The following DPYD variants were observed in gnomAD, a reference collection of about 807,000 sequenced individuals.
DPYD encodes dihydropyrimidine dehydrogenase [NADP(+)].
In DPYD, 109 loss-of-function variants were observed where a neutral mutation model predicts 116.2. The observed-to-expected ratio is 0.94, with a 90% CI of 0.80 to 1.10. The LOEUF (loss-of-function observed/expected upper bound fraction) is 1.10, where lower values mean the gene tolerates loss of function less well. DPYD is among the 50% of genes least tolerant of loss of function. The pLI, the probability that DPYD is intolerant of heterozygous loss-of-function variation, is 0.00. For synonymous variants in DPYD, 440 were observed against 432.0 expected (o/e 1.02, Z -0.23); for missense variants, 1,302 against 1,254.5 (o/e 1.04, Z -0.57).
chr1:97,125,631 T>C (rs1355569429), intron 20 of DPYD, among the ~76,000 whole-genome samples: 1 of 152,052 alleles, frequency 6.6e-6, no homozygotes, highest in East Asian at 1.9e-4. Flanking sequence ...TCCAAAGTGA[T>C]GGTAGTAGGA....
intron 15 of DPYD, among the ~76,000 whole-genome samples, chr1:97,374,254 A>C (rs1016665268): frequency 2.0e-5 from 3 of 152,176 alleles, no homozygotes; most frequent in Non-Finnish European, 2.9e-5. Flanking sequence ...GTTTTGTCTT[A>C]ATTACTTAAT....
intron 8 of DPYD, among the ~76,000 whole-genome samples, chr1:97,624,884 T>C (rs1485466753): frequency 1.3e-5 from 2 of 152,054 alleles, no homozygotes; most frequent in African/African-American, 4.8e-5. Flanking sequence ...CTGCATGTTC[T>C]CACTTGGATG....
intron 12 of DPYD, among the ~76,000 whole-genome samples, chr1:97,516,996 A>G (rs1648280386): frequency 1.3e-5 from 2 of 152,134 alleles, no homozygotes; most frequent in South Asian, 4.1e-4. Flanking sequence ...TTATTTGAGC[A>G]GAACTTTAAT....
Position 97,078,767 on chromosome 1 carries a change from G to T in DPYD, c.*209C>A, listed in dbSNP as rs1648954712. The stretch of plus-strand genomic sequence containing the variant: ...TTATTTAACTACTATCCTCAGAAAA[G>T]AATTATTCTATTTTATGACCACTAA... On this transcript the variant is annotated 3_prime_UTR_variant, in exon 23 of 23. Coordinates refer to ENST00000370192, the MANE Select transcript of DPYD (RefSeq NM_000110.4). 6.9e-6 allele frequency: 4 copies of T among 577,908 alleles called. No homozygotes were observed. Among genetic ancestry groups the T allele is most frequent in the Middle Eastern group, 4.8e-4 (1 of 2,092 alleles). 35.8% of individuals were successfully genotyped at this position (577,908 alleles called of 1,614,324 possible).
intron 18 of DPYD, among the ~76,000 whole-genome samples, chr1:97,286,425 T>C (rs1665688025): frequency 6.6e-6 from 1 of 152,156 alleles, no homozygotes; most frequent in Non-Finnish European, 1.5e-5. Context: ...AAGGAGTATC[T>C]TTGTGGCGTT....
chr1:97,495,675 T>G (rs2101915271), intron 13 of DPYD, among the ~76,000 whole-genome samples: 1 of 152,182 alleles, frequency 6.6e-6, no homozygotes, highest in Non-Finnish European at 1.5e-5. Flanking sequence ...GATTTTCTTT[T>G]ACAGCTGGTA....
At chr1:97,171,107 A>G (rs548880438) in intron 20 of DPYD, among the ~76,000 whole-genome samples, 1 of 152,204 alleles carries the variant, frequency 6.6e-6, no homozygotes, top group Non-Finnish European at 1.5e-5. Flanking sequence ...TAGAAAAGCT[A>G]AAAGTCAAGT....
intron 8 of DPYD, among the ~76,000 whole-genome samples, chr1:97,597,862 T>C (rs1654987216): frequency 6.6e-6 from 1 of 152,172 alleles, no homozygotes; most frequent in Admixed American, 6.5e-5. Context: ...CTACTAATTA[T>C]GTTTTTCTGG....
In DPYD at chr1:97,699,344, G is replaced by A; in HGVS notation, c.680+7C>T. 1 of 1,611,494 alleles carries A rather than the reference G, an allele frequency of 6.2e-7. No homozygotes were observed. The highest frequency in any genetic ancestry group is 8.5e-7 in the Non-Finnish European group (1 of 1,177,806). On this transcript the variant is annotated splice_region_variant and intron_variant, in intron 6 of 22. Coordinates refer to ENST00000370192, the MANE Select transcript of DPYD (RefSeq NM_000110.4). Reference sequence around the variant, plus strand: ...CACTATAAACATGAAATAAATGTAGGCATTACCTTAAACCACCAACATATT... The same window carrying A: ...CACTATAAACATGAAATAAATGTAGACATTACCTTAAACCACCAACATATT...
intron 19 of DPYD, among the ~76,000 whole-genome samples, chr1:97,194,812 TCTTTA>T (rs1557928709): frequency 6.6e-6 from 1 of 152,058 alleles, no homozygotes; most frequent in Admixed American, 6.6e-5. Context: ...CTCAGGTATA[TCTTTA>T]TTAGCAGCAT....
At chr1:97,312,786 G>A (rs1474468206) in intron 16 of DPYD, among the ~76,000 whole-genome samples, 1 of 151,852 alleles carries the variant, frequency 6.6e-6, no homozygotes, top group Non-Finnish European at 1.5e-5. Context: ...TATTTTGAAT[G>A]TGGTATAATC....
chr1:97,082,553 T>C (rs1649232242), intron 21 of DPYD, 83 bp from the exon 22 acceptor site: 2 of 1,510,760 alleles, frequency 1.3e-6, no homozygotes, highest in Non-Finnish European at 1.8e-6. Flanking sequence ...CATTTTCCTG[T>C]TTTTATACAA....
intron 13 of DPYD, among the ~76,000 whole-genome samples, chr1:97,464,337 T>C (rs1677193182): frequency 6.6e-6 from 1 of 152,034 alleles, no homozygotes; most frequent in Non-Finnish European, 1.5e-5. Flanking sequence ...AATCCCGTTT[T>C]CTGAGGAGAA....
At chr1:97,216,906 G>T (rs920181641) in intron 19 of DPYD, among the ~76,000 whole-genome samples, 1 of 151,634 alleles carries the variant, frequency 6.6e-6, no homozygotes, top group Non-Finnish European at 1.5e-5. Context: ...TCTCATGTTT[G>T]TGTCAAAACC....
At chr1:97,609,650 A>G (rs529464411) in intron 8 of DPYD, among the ~76,000 whole-genome samples, 42 of 152,146 alleles carry the variant, frequency 2.8e-4, no homozygotes, top group Non-Finnish European at 5.6e-4. Context: ...GATTTAAAAT[A>G]GCAAAAACTG....
intron 2 of DPYD, among the ~76,000 whole-genome samples, chr1:97,877,165 CT>C (rs1219014953): frequency 6.6e-6 from 1 of 151,964 alleles, no homozygotes; most frequent in Non-Finnish European, 1.5e-5. Context: ...TGACTGTCAT[CT>C]TTTCAAGAAT....
intron 5 of DPYD, among the ~76,000 whole-genome samples, chr1:97,711,987 A>C (rs1039791627): frequency 6.6e-6 from 1 of 152,002 alleles, no homozygotes; most frequent in African/African-American, 2.4e-5. Context: ...GGTCAGAGTA[A>C]TTGTCATTTG....
intron 18 of DPYD, among the ~76,000 whole-genome samples, chr1:97,270,498 T>C (rs878978140): frequency 6.6e-6 from 1 of 152,322 alleles, no homozygotes; most frequent in Admixed American, 6.5e-5. Flanking sequence ...CCCATTCATA[T>C]GGACCTGTGC....
intron 12 of DPYD, chr1:97,545,929 A>G (rs1408306430): frequency 1.8e-6 from 2 of 1,104,410 alleles, no homozygotes; most frequent in East Asian, 2.3e-5. Context: ...GAGTTTAAAG[A>G]ATCAGATTGT....
Sources: gnomAD v4.1 joint callset for allele counts (sites outside exome capture counted in the v4.1 genomes callset) on GRCh38, gnomAD v4.1.1 for gene constraint, MANE v1.5 for transcripts, NCBI Gene and HGNC (gene_info 2026-07-23, HGNC 2026-07-21) for gene names.